Variants in GFRA1 observed in about 807,000 individuals in gnomAD.
The protein encoded by GFRA1 is GDNF family receptor alpha 1, also known as GDNF family receptor alpha-1.
GFRA1 carries 16 observed loss-of-function variants against 51.6 expected under a neutral mutation model. The observed-to-expected ratio is 0.31, with a 90% CI of 0.21 to 0.47. GFRA1 has a LOEUF of 0.47. Among genes scored for constraint, GFRA1 ranks in the 20% least tolerant of loss-of-function variants. The probability of loss-of-function intolerance (pLI) is 1.00; values close to 1 mark genes in which losing one functional copy is unlikely to be tolerated. For synonymous variants in GFRA1, 270 were observed against 241.3 expected (o/e 1.12, Z -1.10); for missense variants, 530 against 594.3 (o/e 0.89, Z 1.13).
chr10:116,132,290 T>C (rs1036679482), intron 5 of GFRA1, among the ~76,000 whole-genome samples: 39 of 152,184 alleles, frequency 2.6e-4, no homozygotes, highest in African/African-American at 9.4e-4. Flanking sequence ...GTCATATGTG[T>C]GCTGAAGCGT....
Position 116,122,716 on chromosome 10 carries a change from T to G in GFRA1, c.770+2505A>C, listed in dbSNP as rs148284962. Among the ~76,000 whole-genome samples the G allele has an allele frequency of 1.3e-3, 202 of 152,240 alleles. 1 individual carries two copies. Among genetic ancestry groups the G allele is most frequent in the African/African-American group, 4.8e-3 (200 of 41,528 alleles). On this transcript the variant is annotated intron_variant, in intron 6 of 10. Transcript: ENST00000355422. ...GGTCTCAGACCTTCTCTGGCCATCT[T>G]GTGTAAGATAAACCTGGGAGAACAG...
At chr10:116,144,877 G>T (rs1277100294) in intron 5 of GFRA1, among the ~76,000 whole-genome samples, 1 of 151,944 alleles carries the variant, frequency 6.6e-6, no homozygotes, top group African/African-American at 2.4e-5. Flanking sequence ...GGCCAAGGTT[G>T]GTGGCACACA....
chr10:116,272,059 C>G lies in GFRA1; in HGVS notation c.-30G>C, dbSNP rs376620181. Reference sequence around the variant, plus strand: ...CCGGCGCGGGGCTGGTCCCCGCCCCCCCAAAAAAATCCCGAGCCGCCGCTG... The same window carrying G: ...CCGGCGCGGGGCTGGTCCCCGCCCCGCCAAAAAAATCCCGAGCCGCCGCTG... On this transcript the variant is annotated 5_prime_UTR_variant, in exon 2 of 11. Transcript: ENST00000355422. This position sits in a 1 kb window ranked among gnomAD's most constrained non-coding sequence, Gnocchi z 4.4. 1.3e-4 allele frequency: 194 copies of G among 1,545,910 alleles called. 2 individuals carry two copies. In the African/African-American group the frequency reaches 2.1e-3, roughly 16 times the overall value.
At position 116,064,058 on chromosome 10, in the gene GFRA1, GATCATCATC is replaced by G. The variant is rs57275382; in HGVS notation, c.*331_*339del. Reference sequence around the variant, plus strand: ...TTAAAATCATCATCATGATCATGATGATCATCATCATGATCATGATGATCATCATCATGA... The same window carrying G: ...TTAAAATCATCATCATGATCATGATGATGATCATGATGATCATCATCATGA... On this transcript the variant is annotated 3_prime_UTR_variant, in exon 11 of 11. Coordinates refer to ENST00000355422, the MANE Select transcript of GFRA1 (RefSeq NM_005264.8). 5.3e-5 allele frequency: 10 copies of G among 188,460 alleles called. No homozygotes were observed. The highest frequency in any genetic ancestry group is 2.8e-4 in the Admixed American group (3 of 10,808). The allele number at this position is 188,460 out of a possible 1,614,324, so 11.7% of individuals were successfully genotyped here.
At chr10:116,252,317 T>A (rs186855340) in intron 4 of GFRA1, among the ~76,000 whole-genome samples, 2 of 152,072 alleles carry the variant, frequency 1.3e-5, no homozygotes, top group Non-Finnish European at 2.9e-5. Flanking sequence ...CTGCACTTTC[T>A]CTTAATGAAG....
At chr10:116,177,177 C>G (rs2134253739) in intron 5 of GFRA1, among the ~76,000 whole-genome samples, 1 of 152,242 alleles carries the variant, frequency 6.6e-6, no homozygotes, top group Middle Eastern at 3.4e-3. Flanking sequence ...ATGCAGGCTC[C>G]CTACTCAGAC....
chr10:116,234,959 G>C (rs112448039), intron 4 of GFRA1, among the ~76,000 whole-genome samples: 9,242 of 152,198 alleles, frequency 0.061, 845 homozygotes, highest in African/African-American at 0.2. Context: ...TTCAGCACTT[G>C]TCCTTGCTGT....
intron 5 of GFRA1, among the ~76,000 whole-genome samples, chr10:116,194,227 T>A (rs1963539248): frequency 1.3e-5 from 2 of 152,144 alleles, no homozygotes; most frequent in Admixed American, 1.3e-4. Context: ...AAATTGAGTC[T>A]CTTAGGTAAA....
chr10:116,119,018 C>T (rs1228803774), intron 6 of GFRA1, among the ~76,000 whole-genome samples: 1 of 152,156 alleles, frequency 6.6e-6, no homozygotes, highest in Non-Finnish European at 1.5e-5. Flanking sequence ...CATAGCTGGG[C>T]AGGTCATAGC....
At chr10:116,197,229 G>A (rs937338497) in intron 5 of GFRA1, among the ~76,000 whole-genome samples, 1 of 152,038 alleles carries the variant, frequency 6.6e-6, no homozygotes, top group Admixed American at 6.6e-5. Flanking sequence ...GAGCCTTCAG[G>A]AATGAGATTA....
chr10:116,189,678 G>C (rs1007793885), intron 5 of GFRA1, among the ~76,000 whole-genome samples: 1 of 152,128 alleles, frequency 6.6e-6, no homozygotes, highest in Non-Finnish European at 1.5e-5. Context: ...GGAAATAAGA[G>C]GAGGTTGAGA....
intron 5 of GFRA1, among the ~76,000 whole-genome samples, chr10:116,191,711 T>C (rs116402416): frequency 0.018 from 2,704 of 152,268 alleles, 77 homozygotes; most frequent in African/African-American, 0.06. Context: ...TGTAAGCAAG[T>C]CTGAGTTAGT....
intron 5 of GFRA1, among the ~76,000 whole-genome samples, chr10:116,204,742 C>T (rs1013059217): frequency 6.6e-5 from 10 of 152,096 alleles, no homozygotes; most frequent in African/African-American, 2.4e-4. Context: ...ACATAAATAC[C>T]TATGAGTTCA....
chr10:116,223,676 T>G (rs1483339696), intron 4 of GFRA1, among the ~76,000 whole-genome samples: 2 of 152,218 alleles, frequency 1.3e-5, no homozygotes, highest in African/African-American at 4.8e-5. Flanking sequence ...GTTTCCCTCC[T>G]TGTGAAGAAC....
chr10:116,105,549 T>G (rs1956974987), intron 6 of GFRA1, among the ~76,000 whole-genome samples: 1 of 152,204 alleles, frequency 6.6e-6, no homozygotes, highest in South Asian at 2.1e-4. Context: ...ACGCACACCC[T>G]GTCTTCAGAA....
chr10:116,136,197 T>C (rs1220379275), intron 5 of GFRA1, among the ~76,000 whole-genome samples: 1 of 152,230 alleles, frequency 6.6e-6, no homozygotes, highest in Non-Finnish European at 1.5e-5. Context: ...CAGCCCTTGC[T>C]TTTGTCTGAT....
chr10:116,118,026 T>C (rs1957498301), intron 6 of GFRA1, among the ~76,000 whole-genome samples: 1 of 77,210 alleles, frequency 1.3e-5, no homozygotes, highest in African/African-American at 3.9e-5. Flanking sequence ...ATTTCTCTTC[T>C]CACCCACTTT....
At chr10:116,141,918 G>T (rs1290943708) in intron 5 of GFRA1, among the ~76,000 whole-genome samples, 1 of 152,072 alleles carries the variant, frequency 6.6e-6, no homozygotes, top group African/African-American at 2.4e-5. Flanking sequence ...ATCTGTGAAT[G>T]CTAGGTGCCA....
At chr10:116,149,963 T>C (rs978245730) in intron 5 of GFRA1, among the ~76,000 whole-genome samples, 7 of 152,240 alleles carry the variant, frequency 4.6e-5, no homozygotes, top group African/African-American at 1.7e-4. Context: ...GATGCAGTTA[T>C]ATCCTTCTAG....
Sources: gnomAD v4.1 joint callset for allele counts (sites outside exome capture counted in the v4.1 genomes callset) on GRCh38, gnomAD v4.1.1 for gene constraint, Gnocchi (gnomAD v3.1) non-coding constraint, MANE v1.5 for transcripts, NCBI Gene and HGNC (gene_info 2026-07-23, HGNC 2026-07-21) for gene names.